Variants in THOC2 observed in about 807,000 individuals in gnomAD.
The protein encoded by THOC2 is THO complex 2.
A neutral mutation model predicts 128.4 loss-of-function variants in THOC2; 10 were observed. That is an observed-to-expected ratio of 0.08 (90% CI 0.05 to 0.13). The LOEUF (loss-of-function observed/expected upper bound fraction) is 0.13. THOC2 is among the 10% of genes least tolerant of loss of function. THOC2 has a pLI of 1.00. For synonymous variants in THOC2, 393 were observed against 396.9 expected (o/e 0.99, Z 0.12); for missense variants, 535 against 1,155.7 (o/e 0.46, Z 7.79).
intron 2 of THOC2, among the ~76,000 whole-genome samples, chrX:123,709,129 T>C (rs1266085045): frequency 8.9e-6 from 1 of 112,626 alleles, no homozygotes; most frequent in African/African-American, 3.2e-5. Context: ...TAAGTGGTGG[T>C]TTAAAACTGT....
chrX:123,660,017 C>T (rs2048764919), intron 12 of THOC2, among the ~76,000 whole-genome samples: 1 of 112,073 alleles, frequency 8.9e-6, no homozygotes. Flanking sequence ...AATTCTAACT[C>T]AGATAACTGT....
In THOC2 at chrX:123,696,578, T is replaced by C; in HGVS notation, c.467+143A>G. On this transcript the variant is annotated intron_variant, in intron 6 of 38. Coordinates refer to ENST00000245838, the MANE Select transcript of THOC2 (RefSeq NM_001081550.2). ...TGATGACTCAATATTAGGCTACTTT[T>C]AGAAGGCAAAAAACACAAGACATGC... 3 of 567,592 alleles carry C rather than the reference T, an allele frequency of 5.3e-6. No homozygotes were observed. In the South Asian group the frequency reaches 1.3e-4, roughly 24 times the overall value. 46.8% of individuals were successfully genotyped at this position (567,592 alleles called of 1,213,427 possible).
At chrX:123,668,019 G>A (rs2049115600) in intron 10 of THOC2, 140 bp downstream of exon 10, 1 of 425,833 alleles carries the variant, frequency 2.3e-6, no homozygotes, top group Non-Finnish European at 3.8e-6. Context: ...TAAAACCACT[G>A]TAGCAAATGA....
At position 123,665,662 on chromosome X, in the gene THOC2, C is replaced by T. The variant is rs766351139; in HGVS notation, c.1366G>A (p.Gly456Ser). ...PILFAKVVRI[G>S]KSFMKEFQSD... ...CTTACCTCCTTCATAAATGACTTGC[C>T]TATGCGCACCACTTTTGCAAATAAA... is the stretch of plus-strand genomic sequence containing the variant. Residue 456 changes from glycine (G) to serine (S), a missense_variant, in exon 12 of 39, where the codon GGC becomes AGC. By Grantham distance (56) the Gly-to-Ser change is moderately conservative. Coordinates refer to ENST00000245838, the MANE Select transcript of THOC2 (RefSeq NM_001081550.2). The T allele has an allele frequency of 8.5e-7, 1 of 1,171,676 alleles. No homozygotes were observed. The highest frequency in any genetic ancestry group is 2.1e-5 in the South Asian group (1 of 47,603).
chrX:123,607,298 C>A lies in THOC2; in HGVS notation c.*18+3620G>T, dbSNP rs185300731. 2.2e-3 allele frequency among the ~76,000 whole-genome samples: 244 copies of A among 110,607 alleles called. 1 individual carries two copies. The highest frequency in any genetic ancestry group is 7.7e-3 in the African/African-American group (234 of 30,416). ...TGTTATCTTCTTAATTCTTAAGAGA[C>A]AGAGTCTTGCTCTGTCACCCATGCT... On this transcript the variant is annotated intron_variant, in intron 38 of 38. Coordinates refer to ENST00000245838, the MANE Select transcript of THOC2 (RefSeq NM_001081550.2).
At position 123,726,617 on chromosome X, in the gene THOC2, A is replaced by C. The variant is rs753198191; in HGVS notation, c.71+6335T>G. On this transcript the variant is annotated intron_variant, in intron 1 of 38. Transcript: ENST00000245838. Reference sequence around the variant, plus strand: ...AATCTTAATGCATGTCTTTTGCAAAAAGCCTTCCAATGGTTGCGGGGAAGA... The same window carrying C: ...AATCTTAATGCATGTCTTTTGCAAACAGCCTTCCAATGGTTGCGGGGAAGA... Among the ~76,000 whole-genome samples the C allele has an allele frequency of 9.8e-5, 11 of 112,202 alleles. No homozygotes were observed. In the South Asian group the frequency reaches 4.1e-3, roughly 42 times the overall value.
chrX:123,646,620 G>A (rs2048137323), intron 12 of THOC2, among the ~76,000 whole-genome samples: 1 of 112,365 alleles, frequency 8.9e-6, no homozygotes, highest in Non-Finnish European at 1.9e-5. Flanking sequence ...TTCAGGGCCT[G>A]CCATGTTACC....
At chrX:123,695,756 T>C (rs754016478) in intron 7 of THOC2, among the ~76,000 whole-genome samples, 2 of 110,997 alleles carry the variant, frequency 1.8e-5, no homozygotes, top group African/African-American at 3.3e-5. Flanking sequence ...CCACTCAGGA[T>C]CCCCTCCACA....
intron 22 of THOC2, among the ~76,000 whole-genome samples, chrX:123,628,679 CCA>C (rs1336060034): frequency 9.3e-6 from 1 of 107,369 alleles, no homozygotes; most frequent in Non-Finnish European, 1.9e-5. Flanking sequence ...CCCCTTCACT[CCA>C]GACTGGATGA....
At position 123,677,291 on chromosome X, in the gene THOC2, T is replaced by C. The variant is rs187762095; in HGVS notation, c.769-5530A>G. Among the ~76,000 whole-genome samples the C allele has an allele frequency of 2.8e-3, 312 of 111,009 alleles. 2 individuals carry two copies. Among genetic ancestry groups the C allele is most frequent in the Non-Finnish European group, 4.2e-3 (222 of 52,899 alleles). On this transcript the variant is annotated intron_variant, in intron 8 of 38. Coordinates refer to ENST00000245838, the MANE Select transcript of THOC2 (RefSeq NM_001081550.2). ...GTGCAGGATCAGAAGTTGCTCTGGG[T>C]AAGTTAGTAAGTGAATATGAAGGTC... is the stretch of plus-strand genomic sequence containing the variant.
intron 1 of THOC2, among the ~76,000 whole-genome samples, chrX:123,721,740 C>G (rs1054322626): frequency 9.4e-6 from 1 of 106,568 alleles, no homozygotes; most frequent in Non-Finnish European, 1.9e-5. Flanking sequence ...GAGCCGAGAT[C>G]ACACCACTAC....
chrX:123,652,396 A>G (rs950478261), intron 12 of THOC2, among the ~76,000 whole-genome samples: 2 of 112,024 alleles, frequency 1.8e-5, no homozygotes, highest in Non-Finnish European at 3.8e-5. Flanking sequence ...CTCTCTCACC[A>G]TTCCTATTCA....
chrX:123,697,897 T>C, intron 4 of THOC2, 146 bp from the exon 5 acceptor site: 1 of 391,218 alleles, frequency 2.6e-6, no homozygotes, highest in East Asian at 4.3e-5. Flanking sequence ...TAACATGAGA[T>C]GTTATATGAA....
Position 123,652,140 on chromosome X carries a change from T to C in THOC2, c.1387-6765A>G, listed in dbSNP as rs761478002. ...GGCTGGTTCAACATAGGCAAATCAA[T>C]AAACGTAATCCATCACATTAACAGA... On this transcript the variant is annotated intron_variant, in intron 12 of 38. Coordinates refer to ENST00000245838, the MANE Select transcript of THOC2 (RefSeq NM_001081550.2). Among the ~76,000 whole-genome samples the C allele has an allele frequency of 4.5e-5, 5 of 111,958 alleles. No homozygotes were observed. In the East Asian group the frequency reaches 1.4e-3, roughly 31 times the overall value.
intron 1 of THOC2, among the ~76,000 whole-genome samples, chrX:123,726,184 G>A (rs1218563882): frequency 9.1e-6 from 1 of 110,153 alleles, no homozygotes; most frequent in Non-Finnish European, 1.9e-5. Flanking sequence ...ACTCCAGCCT[G>A]GGCGACAGAG....
chrX:123,645,306 A>G, intron 13 of THOC2, 28 bp downstream of exon 13: 1 of 1,067,745 alleles, frequency 9.4e-7, no homozygotes, highest in South Asian at 2.1e-5. Context: ...AACATTAGAC[A>G]CATTATTGGA....
At chrX:123,665,121 G>A (rs776967255) in intron 12 of THOC2, among the ~76,000 whole-genome samples, 7 of 111,620 alleles carry the variant, frequency 6.3e-5, no homozygotes, top group Non-Finnish European at 1.3e-4. Flanking sequence ...ATTTAACAAT[G>A]TTTCGGTTGA....
At chrX:123,704,517 A>C (rs887546626) in intron 3 of THOC2, among the ~76,000 whole-genome samples, 1 of 111,460 alleles carries the variant, frequency 9.0e-6, no homozygotes, top group Non-Finnish European at 1.9e-5. Context: ...TTTGGAGCTC[A>C]ATATTCTCTT....
intron 13 of THOC2, 54 bp from the exon 14 acceptor site, chrX:123,644,963 A>G: frequency 9.8e-7 from 1 of 1,023,276 alleles, no homozygotes; most frequent in Non-Finnish European, 1.3e-6. Flanking sequence ...TAATATAACC[A>G]ACAATAAATT....
Sources: gnomAD v4.1 joint callset for allele counts (sites outside exome capture counted in the v4.1 genomes callset) on GRCh38, gnomAD v4.1.1 for gene constraint, MANE v1.5 for transcripts, NCBI Gene and HGNC (gene_info 2026-07-23, HGNC 2026-07-21) for gene names.